Variants in NBAS observed in about 807,000 individuals in gnomAD.
NBAS encodes NBAS subunit of NRZ tethering complex.
Under a neutral mutation model 302.5 loss-of-function variants are expected in NBAS, and 219 were observed. The observed-to-expected ratio is 0.72, with a 90% CI of 0.65 to 0.81. The LOEUF is 0.81. Ranked by LOEUF, NBAS falls within the 30% of genes least tolerant of loss-of-function variation. NBAS has a pLI of 0.00. For missense variants in NBAS, 2,932 were observed against 2,841.6 expected, an observed-to-expected ratio of 1.03 and a Z score of -0.72; for synonymous variants, 1,118 against 1,021.6, an observed-to-expected ratio of 1.09 and a Z score of -1.80.
intron 35 of NBAS, among the ~76,000 whole-genome samples, chr2:15,334,370 C>T (rs534261628): frequency 3.4e-4 from 52 of 151,854 alleles, no homozygotes; most frequent in Non-Finnish European, 6.5e-4. Context: ...TTGTATTTTT[C>T]GTAGAGATGG....
At chr2:15,081,118 C>T in the NBAS span, among the ~76,000 whole-genome samples, 9 of 152,112 alleles carry the variant, frequency 5.9e-5, no homozygotes, top group Non-Finnish European at 1.2e-4. Flanking sequence ...AACCAGTTAC[C>T]TCTGGCTCAA....
chr2:15,361,905 A>G (rs902298805), intron 32 of NBAS, among the ~76,000 whole-genome samples: 1 of 151,872 alleles, frequency 6.6e-6, no homozygotes, highest in African/African-American at 2.4e-5. Context: ...ACTTGAACCC[A>G]GGAGGCGGAG....
chr2:14,915,951 A>T, the NBAS span, among the ~76,000 whole-genome samples: 37 of 152,206 alleles, frequency 2.4e-4, 1 homozygote, highest in South Asian at 2.1e-4. Flanking sequence ...CTCCTTGCCT[A>T]CTGCCATGAT....
chr2:15,036,500 G>C, the NBAS span, among the ~76,000 whole-genome samples: 11 of 152,116 alleles, frequency 7.2e-5, no homozygotes, highest in African/African-American at 2.7e-4. Context: ...TTCCAGCCCA[G>C]GCCTGACTCC....
the NBAS span, among the ~76,000 whole-genome samples, chr2:15,013,608 C>A: frequency 6.6e-6 from 1 of 151,944 alleles, no homozygotes; most frequent in African/African-American, 2.4e-5. Flanking sequence ...ACATGATGGA[C>A]CCTGTCTCTA....
the NBAS span, among the ~76,000 whole-genome samples, chr2:15,139,530 G>A: frequency 6.6e-6 from 1 of 152,084 alleles, no homozygotes; most frequent in African/African-American, 2.4e-5. Context: ...GTGTATGTGT[G>A]TGTGCAAGTG....
At chr2:14,995,327 T>G in the NBAS span, among the ~76,000 whole-genome samples, 6 of 152,190 alleles carry the variant, frequency 3.9e-5, no homozygotes, top group Admixed American at 3.3e-4. Flanking sequence ...TTTTTGTCCT[T>G]GCGATAGTTT....
At chr2:14,991,862 T>C in the NBAS span, among the ~76,000 whole-genome samples, 6 of 152,212 alleles carry the variant, frequency 3.9e-5, no homozygotes, top group Non-Finnish European at 8.8e-5. Flanking sequence ...ATTCCTACTC[T>C]GAATTGTCTT....
At chr2:14,985,912 C>T in the NBAS span, among the ~76,000 whole-genome samples, 1 of 152,128 alleles carries the variant, frequency 6.6e-6, no homozygotes, top group Non-Finnish European at 1.5e-5. Flanking sequence ...TTAGGAATCT[C>T]AAGTGTACTG....
the NBAS span, among the ~76,000 whole-genome samples, chr2:15,091,539 C>CT: frequency 0.015 from 2,175 of 143,942 alleles, 32 homozygotes; most frequent in African/African-American, 0.033. Context: ...TTTTCTTTTT[C>CT]TTTTTTTTTT....
downstream of NBAS, among the ~76,000 whole-genome samples, chr2:15,162,239 G>A (rs1663916926): frequency 6.6e-6 from 1 of 152,200 alleles, no homozygotes; most frequent in African/African-American, 2.4e-5. Context: ...CATCCCATCT[G>A]CCGGCCTAAG....
At chr2:15,107,984 T>C in the NBAS span, among the ~76,000 whole-genome samples, 1 of 152,132 alleles carries the variant, frequency 6.6e-6, no homozygotes, top group Non-Finnish European at 1.5e-5. Context: ...ATAATGTTTC[T>C]GAGGGTCATC....
intron 44 of NBAS, among the ~76,000 whole-genome samples, chr2:15,271,353 G>A (rs1442513277): frequency 6.6e-6 from 1 of 152,154 alleles, no homozygotes; most frequent in African/African-American, 2.4e-5. Context: ...TTAGAAAGTA[G>A]GCTAGATAAG....
chr2:15,042,087 G>T, the NBAS span, among the ~76,000 whole-genome samples: 11 of 152,302 alleles, frequency 7.2e-5, 1 homozygote, highest in Admixed American at 2.0e-4. Flanking sequence ...GATATTTCTG[G>T]AACTGAGGAT....
downstream of NBAS, among the ~76,000 whole-genome samples, chr2:15,164,265 T>A (rs545380308): frequency 6.6e-6 from 1 of 152,190 alleles, no homozygotes; most frequent in Non-Finnish European, 1.5e-5. Context: ...GAGTGTGTCA[T>A]TCAAATGCCC....
At chr2:15,383,999 T>C (rs1268249136) in intron 28 of NBAS, among the ~76,000 whole-genome samples, 1 of 152,176 alleles carries the variant, frequency 6.6e-6, no homozygotes, top group Non-Finnish European at 1.5e-5. Flanking sequence ...AGAAGCTTCA[T>C]GTCCTAAAAC....
the NBAS span, among the ~76,000 whole-genome samples, chr2:14,969,339 G>A: frequency 6.6e-6 from 1 of 152,000 alleles, no homozygotes; most frequent in Non-Finnish European, 1.5e-5. Flanking sequence ...TTACCTAGGT[G>A]AGCTGTACAG....
intron 29 of NBAS, among the ~76,000 whole-genome samples, chr2:15,380,689 C>A (rs1321470898): frequency 6.6e-6 from 1 of 152,076 alleles, no homozygotes; most frequent in Non-Finnish European, 1.5e-5. Flanking sequence ...CAAAGCAATC[C>A]TTTTAAACGT....
At chr2:15,325,843 C>T (rs1672039163) in intron 38 of NBAS, among the ~76,000 whole-genome samples, 1 of 152,236 alleles carries the variant, frequency 6.6e-6, no homozygotes, top group Admixed American at 6.5e-5. Context: ...TTTCAACACA[C>T]CTTCCTCACT....
Sources: gnomAD v4.1 joint callset for allele counts (sites outside exome capture counted in the v4.1 genomes callset) on GRCh38, gnomAD v4.1.1 for gene constraint, MANE v1.5 for transcripts, NCBI Gene and HGNC (gene_info 2026-07-23, HGNC 2026-07-21) for gene names.